The following WWOX variants were observed in gnomAD, a reference collection of about 807,000 sequenced individuals.
WWOX encodes WW domain-containing oxidoreductase.
In WWOX, 69 loss-of-function variants were observed where a neutral mutation model predicts 46.2. The observed-to-expected ratio is 1.49, with a 90% confidence interval of 1.23 to 1.82. The LOEUF (loss-of-function observed/expected upper bound fraction) is 1.82. WWOX is among the 40% of genes most tolerant of loss of function. WWOX has a pLI of 0.00. For synonymous variants in WWOX, 359 were observed against 202.6 expected (o/e 1.77, Z -6.56); for missense variants, 919 against 542.6 (o/e 1.69, Z -6.89).
intron 8 of WWOX, among the ~76,000 whole-genome samples, chr16:79,210,651 AT>A (rs1028487510): frequency 6.6e-6 from 1 of 152,174 alleles, no homozygotes; most frequent in African/African-American, 2.4e-5. Context: ...GATAAACTGT[AT>A]TGGTTTTAAA....
intron 8 of WWOX, among the ~76,000 whole-genome samples, chr16:78,632,618 G>C (rs1206237369): frequency 2.8e-5 from 4 of 144,042 alleles, no homozygotes; most frequent in African/African-American, 1.0e-4. Flanking sequence ...GAGTGCAATG[G>C]TGCGATCTCA....
At chr16:78,721,200 A>G (rs1376877086) in intron 8 of WWOX, among the ~76,000 whole-genome samples, 1 of 152,328 alleles carries the variant, frequency 6.6e-6, no homozygotes, top group African/African-American at 2.4e-5. Flanking sequence ...ATAGGCCATT[A>G]TACTTTCTAC....
chr16:78,446,423 G>T (rs2083562185), intron 8 of WWOX, among the ~76,000 whole-genome samples: 1 of 152,130 alleles, frequency 6.6e-6, no homozygotes, highest in South Asian at 2.1e-4. Flanking sequence ...CCTGCCTCAG[G>T]CGGTTGTTGC....
intron 8 of WWOX, among the ~76,000 whole-genome samples, chr16:78,991,998 A>T (rs543642196): frequency 7.2e-5 from 11 of 152,212 alleles, no homozygotes; most frequent in Non-Finnish European, 1.5e-4. Context: ...GGGTTGGGAA[A>T]CTCACCTGAA....
rs535241453 is a variant in WWOX at position 78,491,555 on chromosome 16, C to A, written c.1056+58803C>A. Among the ~76,000 whole-genome samples, 5 of 152,222 alleles carry A rather than the reference C, an allele frequency of 3.3e-5. 1 individual carries two copies. The highest frequency in any genetic ancestry group is 1.2e-4 in the African/African-American group (5 of 41,538). ...TCTGTGCACTGCAGCCTCCGCCTCC[C>A]AGGTTCAAGTGATCCTCCTACCTCA... On this transcript the variant is annotated intron_variant, in intron 8 of 8. Transcript: ENST00000566780.
chr16:78,239,075 T>G (rs985116274), intron 5 of WWOX, among the ~76,000 whole-genome samples: 1 of 152,156 alleles, frequency 6.6e-6, no homozygotes, highest in Non-Finnish European at 1.5e-5. Flanking sequence ...GCATCCCCCG[T>G]GGATTCTCAG....
At chr16:79,130,806 C>T (rs1462264375) in intron 8 of WWOX, among the ~76,000 whole-genome samples, 1 of 152,162 alleles carries the variant, frequency 6.6e-6, no homozygotes, top group African/African-American at 2.4e-5. Flanking sequence ...ACATATGCTC[C>T]CCAGCAGTTC....
At chr16:78,995,992 T>C (rs960686659) in intron 8 of WWOX, among the ~76,000 whole-genome samples, 4 of 152,160 alleles carry the variant, frequency 2.6e-5, no homozygotes, top group African/African-American at 9.7e-5. Context: ...AGCTTGGAGT[T>C]AAAGGGTGGC....
At chr16:79,009,968 C>T (rs1482922526) in intron 8 of WWOX, among the ~76,000 whole-genome samples, 4 of 152,136 alleles carry the variant, frequency 2.6e-5, no homozygotes, top group Middle Eastern at 3.2e-3. Context: ...AAGTCATTGA[C>T]CTTCTCTGAA....
At chr16:79,106,118 G>A (rs1288145049) in intron 8 of WWOX, 1 of 152,192 alleles carries the variant, frequency 6.6e-6, no homozygotes, top group African/African-American at 2.4e-5. Flanking sequence ...TGTTAGAAAT[G>A]GAAATTCTTA....
chr16:78,815,317 T>C (rs193100721), intron 8 of WWOX, among the ~76,000 whole-genome samples: 91 of 149,678 alleles, frequency 6.1e-4, no homozygotes, highest in African/African-American at 2.1e-3. Flanking sequence ...AGAATGAAAC[T>C]CTGTCTCGAG....
intron 5 of WWOX, among the ~76,000 whole-genome samples, chr16:78,175,239 C>A (rs563441787): frequency 6.6e-6 from 1 of 152,156 alleles, no homozygotes; most frequent in Non-Finnish European, 1.5e-5. Context: ...GGGGGTTCAT[C>A]TGGAGCTAGT....
At chr16:78,947,987 G>C (rs1380272522) in intron 8 of WWOX, among the ~76,000 whole-genome samples, 1 of 152,228 alleles carries the variant, frequency 6.6e-6, no homozygotes, top group Non-Finnish European at 1.5e-5. Context: ...ACATTCTAGA[G>C]GAAGTCAAAG....
At chr16:78,253,199 A>G (rs1210094058) in intron 5 of WWOX, among the ~76,000 whole-genome samples, 1 of 152,204 alleles carries the variant, frequency 6.6e-6, no homozygotes, top group African/African-American at 2.4e-5. Flanking sequence ...CAGATGGATT[A>G]AGTAATTTAC....
intron 8 of WWOX, among the ~76,000 whole-genome samples, chr16:78,590,040 T>A (rs1331050840): frequency 6.6e-6 from 1 of 152,070 alleles, no homozygotes; most frequent in Non-Finnish European, 1.5e-5. Flanking sequence ...CTGTGATAAG[T>A]CCTAGGATTA....
intron 8 of WWOX, among the ~76,000 whole-genome samples, chr16:78,637,296 G>C (rs1465325261): frequency 1.3e-5 from 2 of 152,024 alleles, no homozygotes; most frequent in Non-Finnish European, 2.9e-5. Flanking sequence ...ACAAAAATTA[G>C]CTGGGCATGG....
At position 78,894,567 on chromosome 16, in the gene WWOX, C is replaced by T. The variant is rs184161022; in HGVS notation, c.1057-317041C>T. On this transcript the variant is annotated intron_variant, in intron 8 of 8. Coordinates refer to ENST00000566780, the MANE Select transcript of WWOX (RefSeq NM_016373.4). ...AATCCAGCCTGATTCTAATTTTCAA[C>T]TGGAGATGGTTGTCTTCTTTTTTAT... 4.5e-3 allele frequency among the ~76,000 whole-genome samples: 684 copies of T among 152,282 alleles called. 2 individuals are homozygous for T. Among genetic ancestry groups the T allele is most frequent in the Non-Finnish European group, 5.7e-3 (389 of 68,032 alleles).
chr16:78,195,387 C>G (rs950595450), intron 5 of WWOX, among the ~76,000 whole-genome samples: 1 of 152,162 alleles, frequency 6.6e-6, no homozygotes, highest in Non-Finnish European at 1.5e-5. Context: ...GGCTCACCTC[C>G]TACTGGTTAG....
At chr16:78,231,779 G>A (rs1758647161) in intron 5 of WWOX, among the ~76,000 whole-genome samples, 4 of 152,110 alleles carry the variant, frequency 2.6e-5, no homozygotes, top group African/African-American at 7.2e-5. Flanking sequence ...GGGTAGGAAC[G>A]GGTCCCATCT....
Sources: allele counts gnomAD v4.1 joint callset (sites outside exome capture counted in the v4.1 genomes callset), GRCh38; gene constraint gnomAD v4.1.1; transcripts MANE v1.5; gene names NCBI Gene and HGNC (gene_info 2026-07-23, HGNC 2026-07-21).